POLR2F: variants seen among roughly 807,000 people sequenced by gnomAD.
POLR2F encodes RNA polymerase II, I and III subunit F, also known as DNA-directed RNA polymerases I, II, and III subunit RPABC2.
POLR2F carries 12 observed loss-of-function variants against 22.7 expected under a neutral mutation model. The observed-to-expected ratio is 0.53, with a 90% CI of 0.34 to 0.86. The LOEUF (loss-of-function observed/expected upper bound fraction) is 0.86, where lower values mean the gene tolerates loss of function less well. POLR2F is among the 40% of genes least tolerant of loss of function. The pLI is 0.02. For synonymous variants in POLR2F, 57 were observed against 66.0 expected (o/e 0.86, Z 0.66); for missense variants, 126 against 171.5 (o/e 0.73, Z 1.48).
rs774791641 is a variant in POLR2F at position 37,956,786 on chromosome 22, G to A, written c.34G>A (p.Asp12Asn). 4.3e-6 allele frequency: 7 copies of A among 1,613,864 alleles called. 1 individual carries two copies. The highest frequency in any genetic ancestry group is 3.3e-5 in the South Asian group (3 of 91,068). ...CTTCCTGTACAGTTTTGATGGCGAC[G>A]ACTTTGATGATGTGGAGGAGGATGA... ...SDNEDNFDGD[D>N]FDDVEEDEGL... Residue 12 changes from aspartate (D) to asparagine (N), a missense_variant, in exon 2 of 5, where the codon GAC (aspartate) becomes AAC (asparagine). Physicochemically the swap from Asp to Asn is conservative, Grantham distance 23. Transcript: ENST00000442738.
At chr22:37,982,352 C>T (rs1249497456), upstream of POLR2F, among the ~76,000 whole-genome samples, 1 of 152,196 alleles carries the variant, frequency 6.6e-6, no homozygotes, top group Non-Finnish European at 1.5e-5. Flanking sequence ...CTCACATCTC[C>T]TGGAGTCCCT....
chr22:38,021,833 T>C (rs1361685112), intron 1 of POLR2F, among the ~76,000 whole-genome samples: 1 of 151,602 alleles, frequency 6.6e-6, no homozygotes, highest in Non-Finnish European at 1.5e-5. Flanking sequence ...TATTCCTCAT[T>C]TGAAAAATCT....
chr22:38,026,980 C>G (rs1016451441), downstream of POLR2F, among the ~76,000 whole-genome samples: 1 of 152,034 alleles, frequency 6.6e-6, no homozygotes, highest in African/African-American at 2.4e-5. Flanking sequence ...GGTGGATGGA[C>G]GGGGAGGGGC....
At chr22:38,031,398 C>G (rs1377425430), downstream of POLR2F, among the ~76,000 whole-genome samples, 2 of 152,104 alleles carry the variant, frequency 1.3e-5, no homozygotes, top group Non-Finnish European at 2.9e-5. The surrounding 1 kb of genome is among the most constrained non-coding windows in gnomAD (Gnocchi z 4.1). Flanking sequence ...TAGACTTGGC[C>G]CTCTGAGTCC....
At chr22:38,020,096 C>G (rs902046004) in intron 1 of POLR2F, among the ~76,000 whole-genome samples, 19 of 151,602 alleles carry the variant, frequency 1.3e-4, no homozygotes, top group African/African-American at 4.6e-4. Flanking sequence ...TACCTATAAT[C>G]CCGGCACTTT....
chr22:37,989,605 C>T (rs565865014), intron 1 of POLR2F, among the ~76,000 whole-genome samples: 4 of 152,348 alleles, frequency 2.6e-5, no homozygotes, highest in African/African-American at 9.6e-5. Context: ...CTCCTGTCAT[C>T]GGACTTCATC....
At chr22:37,965,476 G>T (rs561582073) in intron 3 of POLR2F, among the ~76,000 whole-genome samples, 1 of 152,340 alleles carries the variant, frequency 6.6e-6, no homozygotes, top group South Asian at 2.1e-4. Context: ...ACACATTCTT[G>T]CACATTCCAT....
downstream of POLR2F, chr22:37,973,186 C>G: frequency 2.8e-6 from 1 of 351,010 alleles, no homozygotes; most frequent in East Asian, 4.5e-5. Context: ...GTGAGCAGGC[C>G]CTTCTCAGGT....
Position 37,974,959 on chromosome 22 carries a change from C to G in POLR2F, c.293+7789C>G, listed in dbSNP as rs1405587335. Among the ~76,000 whole-genome samples, 1 of 152,180 alleles carries G rather than the reference C, an allele frequency of 6.6e-6. No individual in the cohort carries two copies. Among genetic ancestry groups the G allele is most frequent in the Non-Finnish European group, 1.5e-5 (1 of 68,036 alleles). ...TCCCTGTCCTGGCCTCATGTTGTGT[C>G]CTTTCCAACCCTTCCCTCCTCCTGA... On this transcript the variant is annotated intron_variant, in intron 4 of 4. Transcript: ENST00000405557. The surrounding 1 kb of genome is among the most constrained non-coding windows in gnomAD (Gnocchi z 5.4).
rs184145740 is a variant in POLR2F, at chr22:38,007,525, G to A, written c.121-18344G>A. Reference sequence around the variant, plus strand: ...GTGGAAGGACACTGGAGGAGCTGGCGGTGGACAGAGCGGGGCCGCCCCCAT... The same window carrying A: ...GTGGAAGGACACTGGAGGAGCTGGCAGTGGACAGAGCGGGGCCGCCCCCAT... On this transcript the variant is annotated intron_variant, in intron 1 of 2. Transcript: ENST00000333418. Among the ~76,000 whole-genome samples, 13 of 152,340 alleles carry A rather than the reference G, an allele frequency of 8.5e-5. No homozygotes were observed. The South Asian group carries it at 1.0e-3, about 12-fold the overall frequency.
chr22:37,974,677 T>C lies in POLR2F; in HGVS notation c.293+7507T>C, dbSNP rs551638349. Among the ~76,000 whole-genome samples the C allele has an allele frequency of 6.6e-6, 1 of 152,292 alleles. No homozygotes were observed. The highest frequency in any genetic ancestry group is 1.5e-5 in the Non-Finnish European group (1 of 68,018). On this transcript the variant is annotated intron_variant, in intron 4 of 4. Coordinates refer to the POLR2F transcript ENST00000405557. The surrounding 1 kb of genome is among the most constrained non-coding windows in gnomAD (Gnocchi z 5.4). ...AGCATTTGTTTAAATACTGGTGTCTTAGATTGATCTCTAGTTGTTTATGAA... is the reference window on the plus strand; with the variant it reads ...AGCATTTGTTTAAATACTGGTGTCTCAGATTGATCTCTAGTTGTTTATGAA...
At chr22:38,026,851 G>A (rs1173337868), downstream of POLR2F, among the ~76,000 whole-genome samples, 3 of 133,346 alleles carry the variant, frequency 2.2e-5, no homozygotes, top group Non-Finnish European at 4.9e-5. Flanking sequence ...GAGACAGCCC[G>A]GACTTTCCCA....
At chr22:38,040,807 G>A (rs976439819) in intron 5 of POLR2F, 9 of 536,788 alleles carry the variant, frequency 1.7e-5, no homozygotes, top group Middle Eastern at 4.4e-4. Context: ...GGTGAAGGGA[G>A]CATGGCAGTT....
chr22:37,993,769 C>T (rs1932760649), intron 1 of POLR2F, among the ~76,000 whole-genome samples: 1 of 152,166 alleles, frequency 6.6e-6, no homozygotes, highest in Non-Finnish European at 1.5e-5. Flanking sequence ...GCAGGTGGAT[C>T]ACGAGGTCAG....
intron 1 of POLR2F, among the ~76,000 whole-genome samples, chr22:38,003,529 G>A (rs1397060743): frequency 6.6e-6 from 1 of 151,716 alleles, no homozygotes; most frequent in African/African-American, 2.4e-5. Context: ...ACCCGGCTGG[G>A]AGATAGTTTA....
At chr22:37,998,263 T>A (rs1037372622) in intron 1 of POLR2F, among the ~76,000 whole-genome samples, 4 of 152,188 alleles carry the variant, frequency 2.6e-5, no homozygotes, top group Middle Eastern at 6.3e-3. Context: ...GCCTCATCTC[T>A]CCTCAGAGAC....
chr22:37,980,055 C>T lies in POLR2F; in HGVS notation c.293+12885C>T, dbSNP rs531675403. On this transcript the variant is annotated intron_variant, in intron 4 of 4. Transcript: ENST00000405557. The surrounding 1 kb of genome is among the most constrained non-coding windows in gnomAD (Gnocchi z 4.1). ...TAGCCTCCCTGTCTACTCCCCCCACCCCGGCCCTGAGCCCAGCCCTAGCCC... is the reference window on the plus strand; with the variant it reads ...TAGCCTCCCTGTCTACTCCCCCCACTCCGGCCCTGAGCCCAGCCCTAGCCC... Among the ~76,000 whole-genome samples, 1 of 152,192 alleles carries T rather than the reference C, an allele frequency of 6.6e-6. No homozygotes were observed. Among genetic ancestry groups the T allele is most frequent in the African/African-American group, 2.4e-5 (1 of 41,436 alleles).
chr22:37,973,327 G>A (rs753235182), downstream of POLR2F: 9 of 585,420 alleles, frequency 1.5e-5, no homozygotes, highest in South Asian at 2.2e-5. Context: ...TGGATGGGGC[G>A]GGTGGGTCAT....
chr22:37,972,995 C>A, downstream of POLR2F: 1 of 157,080 alleles, frequency 6.4e-6, no homozygotes, highest in Non-Finnish European at 1.4e-5. Context: ...ACTCTCAGCC[C>A]CTGAGTGGGA....
Sources: gnomAD v4.1 joint callset for allele counts (sites outside exome capture counted in the v4.1 genomes callset) on GRCh38, gnomAD v4.1.1 for gene constraint, Gnocchi (gnomAD v3.1) non-coding constraint, MANE v1.5 for transcripts, NCBI Gene and HGNC (gene_info 2026-07-23, HGNC 2026-07-21) for gene names.